Variants in C10orf53 observed in about 807,000 individuals in gnomAD.
The protein encoded by C10orf53 is UPF0728 protein C10orf53.
Under a neutral mutation model 9.4 loss-of-function variants are expected in C10orf53, and 8 were observed. That is an observed-to-expected ratio of 0.85 (90% confidence interval 0.50 to 1.53). The LOEUF is 1.53. C10orf53 is among the 40% of genes most tolerant of loss of function. The pLI is 0.00. For synonymous variants in C10orf53, 48 were observed against 46.0 expected, an observed-to-expected ratio of 1.04 and a Z score of -0.18; for missense variants, 117 against 117.8, an observed-to-expected ratio of 0.99 and a Z score of 0.03.
chr10:49,692,153 G>A (rs918771031), intron 1 of C10orf53, among the ~76,000 whole-genome samples: 12 of 152,168 alleles, frequency 7.9e-5, no homozygotes, highest in East Asian at 5.8e-4. Context: ...TAAACAAGTC[G>A]TGGGTCCAAA....
chr10:49,691,870 G>T (rs1840587554), intron 1 of C10orf53, among the ~76,000 whole-genome samples: 1 of 152,244 alleles, frequency 6.6e-6, no homozygotes, highest in Admixed American at 6.5e-5. Context: ...AGTTGGCACT[G>T]GGTGTTAACT....
chr10:49,702,874 A>G (rs745577583), intron 2 of C10orf53, among the ~76,000 whole-genome samples: 2 of 152,172 alleles, frequency 1.3e-5, no homozygotes, highest in African/African-American at 2.4e-5. Flanking sequence ...CCATCTAAGC[A>G]TGGAGTGTTC....
At chr10:49,684,316 C>T (rs1316095871) in intron 1 of C10orf53, among the ~76,000 whole-genome samples, 3 of 152,090 alleles carry the variant, frequency 2.0e-5, no homozygotes, top group Non-Finnish European at 4.4e-5. Context: ...TTAGTTTTTT[C>T]TCAAGATTGT....
chr10:49,691,401 C>G (rs1031661449), intron 1 of C10orf53, among the ~76,000 whole-genome samples: 1 of 152,196 alleles, frequency 6.6e-6, no homozygotes, highest in African/African-American at 2.4e-5. Flanking sequence ...GGGCAGTGCC[C>G]AGGGCCATTC....
chr10:49,704,386 A>G (rs889836996), intron 2 of C10orf53, among the ~76,000 whole-genome samples: 1 of 152,224 alleles, frequency 6.6e-6, no homozygotes, highest in Non-Finnish European at 1.5e-5. Context: ...AAACATAAAA[A>G]GTACATAAAC....
chr10:49,683,615 C>A (rs1039313801), intron 1 of C10orf53, among the ~76,000 whole-genome samples: 26 of 152,122 alleles, frequency 1.7e-4, no homozygotes, highest in African/African-American at 6.3e-4. Flanking sequence ...TGGCTCATAC[C>A]TGTAATGCCT....
chr10:49,683,754 G>A (rs1487073014), intron 1 of C10orf53, among the ~76,000 whole-genome samples: 1 of 152,050 alleles, frequency 6.6e-6, no homozygotes, highest in African/African-American at 2.4e-5. Context: ...AAATTAGGTG[G>A]GTGTGATGGC....
At chr10:49,682,061 T>C (rs376422248) in intron 1 of C10orf53, among the ~76,000 whole-genome samples, 14 of 152,234 alleles carry the variant, frequency 9.2e-5, no homozygotes, top group African/African-American at 2.9e-4. Context: ...AATCTACCTT[T>C]AGTTTATGTT....
chr10:49,691,449 G>A (rs968486072), intron 1 of C10orf53, among the ~76,000 whole-genome samples: 1 of 152,196 alleles, frequency 6.6e-6, no homozygotes, highest in African/African-American at 2.4e-5. Flanking sequence ...TTAAAACCAG[G>A]CACTTGGAGA....
intron 1 of C10orf53, among the ~76,000 whole-genome samples, chr10:49,680,660 C>A (rs1840470269): frequency 6.6e-6 from 1 of 151,962 alleles, no homozygotes; most frequent in Admixed American, 6.6e-5. Context: ...TTAGAGGGGG[C>A]AAGAGTGGAA....
downstream of C10orf53, among the ~76,000 whole-genome samples, chr10:49,702,468 C>T (rs1458599178): frequency 2.0e-5 from 3 of 152,196 alleles, no homozygotes; most frequent in Non-Finnish European, 2.9e-5. Context: ...ATACCTCATC[C>T]AAATCTGAAT....
intron 2 of C10orf53, among the ~76,000 whole-genome samples, chr10:49,703,142 A>G (rs1488607614): frequency 3.9e-5 from 6 of 152,118 alleles, no homozygotes; most frequent in East Asian, 1.9e-4. Flanking sequence ...TTCCCCGCCA[A>G]TTCCACCAAG....
At chr10:49,689,818 T>A (rs1025740) in intron 1 of C10orf53, among the ~76,000 whole-genome samples, 144,404 of 152,218 alleles carry the variant, frequency 0.95, 68,831 homozygotes, top group Middle Eastern at 1. Context: ...GGGTCATTTT[T>A]AAAATGTTGT....
At chr10:49,686,376 A>C (rs546696814) in intron 1 of C10orf53, among the ~76,000 whole-genome samples, 116 of 152,306 alleles carry the variant, frequency 7.6e-4, no homozygotes, top group African/African-American at 2.6e-3. Context: ...GTGTTTGAAC[A>C]ATATGAAATC....
At chr10:49,689,191 G>A (rs773569332) in intron 1 of C10orf53, among the ~76,000 whole-genome samples, 1 of 152,168 alleles carries the variant, frequency 6.6e-6, no homozygotes, top group Non-Finnish European at 1.5e-5. Flanking sequence ...GCAGGATGAT[G>A]AGACAGCCCC....
chr10:49,697,932 C>G (rs1037333845), downstream of C10orf53, among the ~76,000 whole-genome samples: 5 of 152,172 alleles, frequency 3.3e-5, no homozygotes, highest in African/African-American at 1.2e-4. Context: ...TTTCAAGGGG[C>G]CTTCCTGGGC....
Position 49,695,243 on chromosome 10 carries a change from GA to G in C10orf53, c.*643del. ...GGAGGGCGCAAAAGAGTCCTCAGCA[GA>G]ATGTGAGATGGTTCCCTGGTCCCTC... On this transcript the variant is annotated 3_prime_UTR_variant, in exon 3 of 3. Coordinates refer to ENST00000374111, the MANE Select transcript of C10orf53 (RefSeq NM_001042427.3). 1 of 152,854 alleles carries G rather than the reference GA, an allele frequency of 6.5e-6. No individual in the cohort carries two copies. The highest frequency in any genetic ancestry group is 6.5e-5 in the Admixed American group (1 of 15,314). The allele number at this position is 152,854 out of a possible 1,614,324, so 9.5% of individuals were successfully genotyped here.
At chr10:49,700,798 C>T (rs373704538), downstream of C10orf53, among the ~76,000 whole-genome samples, 16 of 152,142 alleles carry the variant, frequency 1.1e-4, no homozygotes, top group East Asian at 1.9e-3. Context: ...GAAGTGAATC[C>T]AGGCAGTGTG....
downstream of C10orf53, among the ~76,000 whole-genome samples, chr10:49,700,340 G>A (rs1332842719): frequency 6.6e-6 from 1 of 152,214 alleles, no homozygotes; most frequent in East Asian, 1.9e-4. Context: ...GTTAGGACAG[G>A]ACTATATTGT....
Sources: allele counts gnomAD v4.1 joint callset (sites outside exome capture counted in the v4.1 genomes callset), GRCh38; gene constraint gnomAD v4.1.1; transcripts MANE v1.5; gene names NCBI Gene and HGNC (gene_info 2026-07-23, HGNC 2026-07-21).